The following CSTF3 variants were observed in gnomAD, a reference collection of about 807,000 sequenced individuals.
CSTF3 encodes cleavage stimulation factor subunit 3.
CSTF3 carries 29 observed loss-of-function variants against 105.8 expected under a neutral mutation model. The observed-to-expected ratio is 0.27, with a 90% CI of 0.20 to 0.37. The LOEUF (loss-of-function observed/expected upper bound fraction) is 0.37, where lower values mean the gene tolerates loss of function less well. Among genes scored for constraint, CSTF3 ranks in the 10% least tolerant of loss-of-function variants. The pLI is 1.00. For synonymous variants in CSTF3, 252 were observed against 281.9 expected (o/e 0.89, Z 1.06); for missense variants, 357 against 879.3 (o/e 0.41, Z 7.51).
intron 1 of CSTF3, among the ~76,000 whole-genome samples, chr11:33,149,667 C>T (rs1855832136): frequency 6.6e-6 from 1 of 152,094 alleles, no homozygotes; most frequent in Admixed American, 6.6e-5. Context: ...GCAGATCACT[C>T]GAGGTCAGGA....
intron 1 of CSTF3, among the ~76,000 whole-genome samples, 169 bp downstream of exon 1, chr11:33,161,130 A>C (rs1362277930): frequency 6.6e-6 from 1 of 152,172 alleles, no homozygotes; most frequent in East Asian, 1.9e-4. Flanking sequence ...AGTAAAAAAA[A>C]AAAAATTAAA....
At chr11:33,107,112 C>T (rs1209060422) in intron 5 of CSTF3, among the ~76,000 whole-genome samples, 2 of 151,358 alleles carry the variant, frequency 1.3e-5, no homozygotes, top group Admixed American at 6.6e-5. Context: ...GACCCTGCTA[C>T]GTTTGGAGTC....
chr11:33,085,761 G>T lies in CSTF3; in HGVS notation c.1903C>A (p.Gln635Lys). The change falls in exon 20 of 21, where the codon CAA (glutamine) becomes AAA (lysine). Residue 635 changes from glutamine to lysine, a missense_variant. Around this residue, in one of 4 missense-constraint regions of CSTF3, gnomAD observed 206 missense variants for 576.5 expected, o/e 0.36. Coordinates refer to ENST00000323959, the MANE Select transcript of CSTF3 (RefSeq NM_001326.3). Reference protein sequence around the residue: ...PPICFQGPFVQVDELMEIFRR... With the variant: ...PPICFQGPFVKVDELMEIFRR... The stretch of plus-strand genomic sequence containing the variant: ...AAAATTTCCATCAGTTCATCCACTT[G>T]TACAAAAGGACCCTATTTTTGACAT... 1.2e-6 allele frequency: 2 copies of T among 1,613,648 alleles called. No individual in the cohort carries two copies. The highest frequency in any genetic ancestry group is 1.7e-6 in the Non-Finnish European group (2 of 1,179,586).
chr11:33,148,291 G>C (rs1776165486), intron 1 of CSTF3, among the ~76,000 whole-genome samples: 1 of 152,204 alleles, frequency 6.6e-6, no homozygotes, highest in Admixed American at 6.5e-5. Flanking sequence ...GATTTTAAAA[G>C]ATGTCCAAGC....
chr11:33,122,914 C>CAAAAAAAAAAAAAAAAAAAAA (rs10600978), intron 3 of CSTF3, among the ~76,000 whole-genome samples: 10 of 83,834 alleles, frequency 1.2e-4, no homozygotes, highest in Non-Finnish European at 2.0e-4. Flanking sequence ...TATCCTGTCT[C>CAAAAAAAAAAAAAAAAAAAAA]AAAAAAAAAA....
At chr11:33,155,749 A>G (rs1453561198) in intron 1 of CSTF3, among the ~76,000 whole-genome samples, 1 of 152,090 alleles carries the variant, frequency 6.6e-6, no homozygotes, top group African/African-American at 2.4e-5. Context: ...ACCATTACCA[A>G]CTGTCCAACA....
At chr11:33,149,276 G>A (rs1342037642) in intron 1 of CSTF3, among the ~76,000 whole-genome samples, 1 of 152,208 alleles carries the variant, frequency 6.6e-6, no homozygotes, top group Admixed American at 6.5e-5. Flanking sequence ...CTCCTCAGTA[G>A]TCAAATGTTC....
At chr11:33,102,648 C>T (rs1355431294) in intron 9 of CSTF3, among the ~76,000 whole-genome samples, 1 of 152,030 alleles carries the variant, frequency 6.6e-6, no homozygotes, top group Non-Finnish European at 1.5e-5. Context: ...ATTATTATTG[C>T]CATCTTTGGA....
At position 33,092,292 on chromosome 11, in the gene CSTF3, C is replaced by A; in HGVS notation, c.1424G>T (p.Ser475Ile). 6.2e-7 allele frequency: 1 copy of A among 1,601,604 alleles called. No individual in the cohort carries two copies. Among genetic ancestry groups the A allele is most frequent in the Non-Finnish European group, 8.5e-7 (1 of 1,175,428 alleles). Residue 475 changes from serine (S) to isoleucine (I), a missense_variant, in exon 16 of 21, where the codon AGC becomes ATC. Physicochemically the swap from Ser to Ile is moderately radical, Grantham distance 142. Around this residue, in one of 4 missense-constraint regions of CSTF3, gnomAD observed 206 missense variants for 576.5 expected, o/e 0.36. Transcript: ENST00000323959. ...VLFERVLTSG[S>I]LPPEKSGEIW... Reference sequence around the variant, plus strand: ...TTACCCAGACTTCTCAGGAGGAAGGCTTCCAGATGTTAAAACTCGTTCAAA... The same window carrying A: ...TTACCCAGACTTCTCAGGAGGAAGGATTCCAGATGTTAAAACTCGTTCAAA...
chr11:33,159,316 C>T (rs532250287), intron 1 of CSTF3, among the ~76,000 whole-genome samples: 3 of 151,874 alleles, frequency 2.0e-5, no homozygotes, highest in Admixed American at 1.3e-4. Context: ...AAAAATTAGG[C>T]CAGGTACGGT....
intron 1 of CSTF3, among the ~76,000 whole-genome samples, chr11:33,156,097 G>T (rs1849862192): frequency 6.6e-6 from 1 of 152,076 alleles, no homozygotes; most frequent in Non-Finnish European, 1.5e-5. Context: ...AGGAACAACT[G>T]TCCCCAAACA....
chr11:33,101,465 T>A (rs1855279724), intron 10 of CSTF3, among the ~76,000 whole-genome samples: 1 of 152,218 alleles, frequency 6.6e-6, no homozygotes, highest in Admixed American at 6.5e-5. Context: ...CTTTTCATTG[T>A]CTTAGGAGTA....
intron 3 of CSTF3, among the ~76,000 whole-genome samples, chr11:33,130,072 A>G (rs1855582794): frequency 6.6e-6 from 1 of 152,234 alleles, no homozygotes; most frequent in Admixed American, 6.5e-5. Flanking sequence ...CCCATTAACT[A>G]GAAAAGTCAA....
intron 16 of CSTF3, 62 bp downstream of exon 16, chr11:33,092,209 C>T (rs1855176442): frequency 8.4e-7 from 1 of 1,196,572 alleles, no homozygotes; most frequent in Admixed American, 2.4e-5. Flanking sequence ...ACCCCATAGA[C>T]CACAATTCAG....
At chr11:33,134,738 T>C (rs1172467055) in intron 3 of CSTF3, among the ~76,000 whole-genome samples, 1 of 152,170 alleles carries the variant, frequency 6.6e-6, no homozygotes, top group Non-Finnish European at 1.5e-5. Context: ...CATTTGAGTT[T>C]TCATTTTTTA....
chr11:33,093,162 A>C (rs146809715), intron 15 of CSTF3, among the ~76,000 whole-genome samples: 41 of 152,362 alleles, frequency 2.7e-4, no homozygotes, highest in African/African-American at 9.6e-4. Context: ...AGTTTATTAC[A>C]TGTCCATAAG....
chr11:33,144,235 G>A (rs1339855489), intron 1 of CSTF3, among the ~76,000 whole-genome samples: 2 of 152,036 alleles, frequency 1.3e-5, no homozygotes, highest in East Asian at 1.9e-4. Flanking sequence ...TTACCTAGGA[G>A]AAATAAACTC....
At chr11:33,155,623 G>A (rs191921352) in intron 1 of CSTF3, among the ~76,000 whole-genome samples, 217 of 152,196 alleles carry the variant, frequency 1.4e-3, no homozygotes, top group Non-Finnish European at 2.4e-3. Flanking sequence ...AGGACACACA[G>A]AAGCTTTGCC....
At chr11:33,088,313 G>A (rs1855129297) in intron 17 of CSTF3, among the ~76,000 whole-genome samples, 2 of 147,006 alleles carry the variant, frequency 1.4e-5, no homozygotes, top group African/African-American at 2.6e-5. Context: ...TTGAGACAGA[G>A]TCTCACTCTG....
Sources: allele counts gnomAD v4.1 joint callset (sites outside exome capture counted in the v4.1 genomes callset), GRCh38; gene constraint gnomAD v4.1.1; regional missense constraint gnomAD v4.1.1; transcripts MANE v1.5; gene names NCBI Gene and HGNC (gene_info 2026-07-23, HGNC 2026-07-21).